TNFRSF9: variants seen among roughly 807,000 people sequenced by gnomAD.
The protein encoded by TNFRSF9 is TNF receptor superfamily member 9, also known as tumor necrosis factor receptor superfamily member 9.
TNFRSF9 carries 16 observed loss-of-function variants against 28.8 expected under a neutral mutation model. The observed-to-expected ratio is 0.55, with a 90% confidence interval of 0.38 to 0.84. The LOEUF is 0.84. TNFRSF9 is among the 40% of genes least tolerant of loss of function. The probability of loss-of-function intolerance (pLI) is 0.00; values close to 1 mark genes in which losing one functional copy is unlikely to be tolerated. For missense variants in TNFRSF9, 303 were observed against 315.0 expected, an observed-to-expected ratio of 0.96 and a Z score of 0.29; for synonymous variants, 131 against 117.0, an observed-to-expected ratio of 1.12 and a Z score of -0.77.
At chr1:7,922,222 A>G (rs1270347299) in intron 7 of TNFRSF9, among the ~76,000 whole-genome samples, 3 of 152,240 alleles carry the variant, frequency 2.0e-5, no homozygotes, top group African/African-American at 4.8e-5. Flanking sequence ...AACTTATGAA[A>G]AACTGGCAAG....
chr1:7,924,235 T>C (rs1339788885), intron 7 of TNFRSF9, among the ~76,000 whole-genome samples: 2 of 150,046 alleles, frequency 1.3e-5, no homozygotes, highest in Non-Finnish European at 2.9e-5. Flanking sequence ...TAAATGACTA[T>C]GTTAGTAGTT....
At chr1:7,920,971 C>A (rs762422389) in intron 7 of TNFRSF9, 48 bp from the exon 8 acceptor site, 1 of 1,245,368 alleles carries the variant, frequency 8.0e-7, no homozygotes, top group Non-Finnish European at 1.2e-6. Flanking sequence ...CTATTTGAAT[C>A]ATTTAACACT....
intron 7 of TNFRSF9, among the ~76,000 whole-genome samples, chr1:7,921,598 G>A (rs1042688558): frequency 1.3e-5 from 2 of 150,650 alleles, no homozygotes; most frequent in Admixed American, 6.6e-5. Context: ...AACCTGGGAG[G>A]TGGAGGTTGC....
intron 2 of TNFRSF9, among the ~76,000 whole-genome samples, chr1:7,939,564 C>T (rs187214025): frequency 3.9e-5 from 6 of 152,296 alleles, no homozygotes; most frequent in Admixed American, 3.9e-4. Context: ...GCTATGCCCC[C>T]AGTCGGAGCA....
intron 6 of TNFRSF9, 62 bp downstream of exon 6, chr1:7,934,951 T>G: frequency 6.3e-7 from 1 of 1,594,768 alleles, no homozygotes; most frequent in Admixed American, 1.7e-5. Context: ...TTGGGGCAAT[T>G]TAGATACAAT....
At position 7,940,060 on chromosome 1, in the gene TNFRSF9, T is replaced by G; in HGVS notation, c.-66A>C. On this transcript the variant is annotated 5_prime_UTR_variant, in exon 2 of 8. Transcript: ENST00000377507. ...CCAAGAGAATTTTAATCAAATTAGCTGGTCTCACAAATGTCACTCTGCAAA... is the reference window on the plus strand; with the variant it reads ...CCAAGAGAATTTTAATCAAATTAGCGGGTCTCACAAATGTCACTCTGCAAA... 1 of 1,199,870 alleles carries G rather than the reference T, an allele frequency of 8.3e-7. No homozygotes were observed. The highest frequency in any genetic ancestry group is 1.2e-6 in the Non-Finnish European group (1 of 822,690). The allele number at this position is 1,199,870 out of a possible 1,614,324, so 74.3% of individuals were successfully genotyped here.
At position 7,920,741 on chromosome 1, in the gene TNFRSF9, A is replaced by T; in HGVS notation, c.*94T>A. Reference sequence around the variant, plus strand: ...GGGGGAATCCTGGGTATTATGTAGGATGGTGTTCTTGCTTTTGAAAGCTGT... The same window carrying T: ...GGGGGAATCCTGGGTATTATGTAGGTTGGTGTTCTTGCTTTTGAAAGCTGT... On this transcript the variant is annotated 3_prime_UTR_variant, in exon 8 of 8. Transcript: ENST00000377507. 1.0e-6 allele frequency: 1 copy of T among 974,798 alleles called. No individual in the cohort carries two copies. Among genetic ancestry groups the T allele is most frequent in the Non-Finnish European group, 1.6e-6 (1 of 606,140 alleles). 60.4% of individuals were successfully genotyped at this position (974,798 alleles called of 1,614,324 possible).
chr1:7,940,341 T>C (rs1486837867), intron 1 of TNFRSF9, among the ~76,000 whole-genome samples: 1 of 152,160 alleles, frequency 6.6e-6, no homozygotes, highest in African/African-American at 2.4e-5. Context: ...GAAATAACAA[T>C]AGCAAGAACT....
chr1:7,922,410 C>A (rs148083158), intron 7 of TNFRSF9, among the ~76,000 whole-genome samples: 224 of 152,266 alleles, frequency 1.5e-3, no homozygotes, highest in African/African-American at 5.2e-3. Context: ...GATCTCCAGA[C>A]CCAAGAAACA....
intron 7 of TNFRSF9, among the ~76,000 whole-genome samples, chr1:7,925,096 C>T (rs9658032): frequency 0.012 from 1,833 of 152,008 alleles, 42 homozygotes; most frequent in African/African-American, 0.042. Flanking sequence ...GGCAGATTAC[C>T]GGAGCTCAGG....
chr1:7,931,071 A>T (rs1413532061), intron 7 of TNFRSF9, among the ~76,000 whole-genome samples: 1 of 152,202 alleles, frequency 6.6e-6, no homozygotes, highest in Non-Finnish European at 1.5e-5. Flanking sequence ...TAAAACCACA[A>T]TGAGATACAA....
At chr1:7,932,734 T>TACACAC (rs3841802) in intron 7 of TNFRSF9, among the ~76,000 whole-genome samples, 1 of 148,224 alleles carries the variant, frequency 6.7e-6, no homozygotes, top group Non-Finnish European at 1.5e-5. Flanking sequence ...CACACACACA[T>TACACAC]ACACACACAC....
Position 7,926,050 on chromosome 1 carries a change from G to A in TNFRSF9, c.680-5127C>T, listed in dbSNP as rs9658028. 2.4e-3 allele frequency among the ~76,000 whole-genome samples: 362 copies of A among 152,192 alleles called. 1 individual carries two copies. The highest frequency in any genetic ancestry group is 8.0e-3 in the African/African-American group (334 of 41,514). On this transcript the variant is annotated intron_variant, in intron 7 of 7. Coordinates refer to ENST00000377507, the MANE Select transcript of TNFRSF9 (RefSeq NM_001561.6). Reference sequence around the variant, plus strand: ...CAAGTGGCTGGAATTACAGGCATGCGCCACCACACCCGGCTAATTTTTGTA... The same window carrying A: ...CAAGTGGCTGGAATTACAGGCATGCACCACCACACCCGGCTAATTTTTGTA...
At chr1:7,929,170 T>C (rs1284749612) in intron 7 of TNFRSF9, among the ~76,000 whole-genome samples, 1 of 137,584 alleles carries the variant, frequency 7.3e-6, no homozygotes, top group African/African-American at 2.6e-5. Flanking sequence ...TTTTTTTTTT[T>C]TTTTTTTTTG....
At position 7,917,640 on chromosome 1, in the gene TNFRSF9, T is replaced by G. The variant is rs1455949202; in HGVS notation, c.*3195A>C. On this transcript the variant is annotated 3_prime_UTR_variant, in exon 8 of 8. Coordinates refer to ENST00000377507, the MANE Select transcript of TNFRSF9 (RefSeq NM_001561.6). ...AGTATTGGGCAGAAAAGGATTTCTT[T>G]AGCCAGGCAAGAAAAAATGTTAACC... 1 of 152,136 alleles carries G rather than the reference T, an allele frequency of 6.6e-6. No homozygotes were observed. The highest frequency in any genetic ancestry group is 1.5e-5 in the Non-Finnish European group (1 of 68,024). The allele number at this position is 152,136 out of a possible 1,614,324, so 9.4% of individuals were successfully genotyped here.
Position 7,939,009 on chromosome 1 carries a change from A to T in TNFRSF9, c.101-181T>A, listed in dbSNP as rs1001555385. The stretch of plus-strand genomic sequence containing the variant: ...ACATTTGCAAGATTATTCTTTGTGT[A>T]ATCACAGAATTAGAAATAACAAAAT... On this transcript the variant is annotated intron_variant, in intron 2 of 7. Coordinates refer to ENST00000377507, the MANE Select transcript of TNFRSF9 (RefSeq NM_001561.6). Among the ~76,000 whole-genome samples the T allele has an allele frequency of 2.0e-5, 3 of 152,234 alleles. No individual in the cohort carries two copies. In the East Asian group the frequency reaches 5.8e-4, roughly 29 times the overall value.
At chr1:7,932,012 G>A (rs556526135) in intron 7 of TNFRSF9, among the ~76,000 whole-genome samples, 3 of 152,088 alleles carry the variant, frequency 2.0e-5, no homozygotes, top group Non-Finnish European at 2.9e-5. Context: ...GTGTGGTGGC[G>A]CATGCCTGTA....
chr1:7,932,734 TACACACAC>T (rs3841802), intron 7 of TNFRSF9, among the ~76,000 whole-genome samples: 1 of 148,226 alleles, frequency 6.7e-6, no homozygotes. Context: ...CACACACACA[TACACACAC>T]ACACACACAT....
intron 7 of TNFRSF9, among the ~76,000 whole-genome samples, chr1:7,927,442 G>A (rs1639670767): frequency 6.6e-6 from 1 of 150,932 alleles, no homozygotes; most frequent in Non-Finnish European, 1.5e-5. Flanking sequence ...GGTGCCCCCT[G>A]ACCCCTTCTT....
Sources: gnomAD v4.1 joint callset for allele counts (sites outside exome capture counted in the v4.1 genomes callset) on GRCh38, gnomAD v4.1.1 for gene constraint, MANE v1.5 for transcripts, NCBI Gene and HGNC (gene_info 2026-07-23, HGNC 2026-07-21) for gene names.